KANK3: variants seen among roughly 807,000 people sequenced by gnomAD.
The protein encoded by KANK3 is KN motif and ankyrin repeat domain-containing protein 3.
In KANK3, 61 loss-of-function variants were observed where a neutral mutation model predicts 65.4. The ratio of observed to expected loss-of-function variants is 0.93; its 90% confidence interval spans 0.76 to 1.15. KANK3 has a LOEUF of 1.15. KANK3 is among the 50% of genes most tolerant of loss of function. The pLI, the probability that KANK3 is intolerant of heterozygous loss-of-function variation, is 0.00. For synonymous variants in KANK3, 586 were observed against 543.3 expected (o/e 1.08, Z -1.09); for missense variants, 1,187 against 1,178.8 (o/e 1.01, Z -0.10).
rs917278312 is a variant in KANK3 at position 8,334,781 on chromosome 19, G to A, written c.1046C>T (p.Ala349Val). The change falls in exon 3 of 11, where the codon GCG becomes GTG. Residue 349 changes from alanine (A) to valine (V), a missense_variant. Physicochemically the swap from Ala to Val is moderately conservative, Grantham distance 64. Around this residue, in one of 3 missense-constraint regions of KANK3, gnomAD observed 1,078 missense variants for 1,038.2 expected, o/e 1.04. Coordinates refer to ENST00000330915, the MANE Select transcript of KANK3 (RefSeq NM_198471.3). ...WVTEALLGLP[A>V]AAERELELLR... Reference sequence around the variant, plus strand: ...CAGCTCTAGCTCGCGCTCGGCGGCCGCAGGCAGCCCCAGCAGCGCCTCGGT... The same window carrying A: ...CAGCTCTAGCTCGCGCTCGGCGGCCACAGGCAGCCCCAGCAGCGCCTCGGT... The A allele has an allele frequency of 1.9e-5, 28 of 1,498,966 alleles. No homozygotes were observed. The highest frequency in any genetic ancestry group is 2.2e-5 in the Admixed American group (1 of 46,394). 92.9% of individuals were successfully genotyped at this position (1,498,966 alleles called of 1,614,324 possible).
chr19:8,333,844 G>C lies in KANK3; in HGVS notation c.1635-36C>G, dbSNP rs1035845011. 23 of 1,547,316 alleles carry C rather than the reference G, an allele frequency of 1.5e-5. No homozygotes were observed. Among genetic ancestry groups the C allele is most frequent in the East Asian group, 7.3e-5 (3 of 40,882 alleles). On this transcript the variant is annotated intron_variant, in intron 5 of 10. Coordinates refer to ENST00000330915, the MANE Select transcript of KANK3 (RefSeq NM_198471.3). This position sits in a 1 kb window ranked among gnomAD's most constrained non-coding sequence, Gnocchi z 5.0. ...GGCCAGGAGAGACTCAGGATGGATC[G>C]GGGACAGCGCCGACCAGGAGGAGGG...
intron 1 of KANK3, among the ~76,000 whole-genome samples, chr19:8,339,600 T>C (rs987549251): frequency 1.3e-5 from 2 of 152,052 alleles, no homozygotes; most frequent in African/African-American, 4.8e-5. Context: ...CCTCAGGTGA[T>C]CCACCCACCT....
intron 7 of KANK3, among the ~76,000 whole-genome samples, chr19:8,329,597 T>G (rs2145421166): frequency 6.6e-6 from 1 of 151,562 alleles, no homozygotes; most frequent in South Asian, 2.1e-4. Flanking sequence ...TCTGTTCCTG[T>G]CCCCATCTAG....
rs1287868973 is a variant in KANK3 at position 8,337,867 on chromosome 19, G to A, written c.-28-11C>T. 3 of 1,612,774 alleles carry A rather than the reference G, an allele frequency of 1.9e-6. No individual in the cohort carries two copies. Among genetic ancestry groups the A allele is most frequent in the South Asian group, 2.2e-5 (2 of 91,066 alleles). On this transcript the variant is annotated splice_polypyrimidine_tract_variant and intron_variant, in intron 1 of 10. Coordinates refer to ENST00000330915, the MANE Select transcript of KANK3 (RefSeq NM_198471.3). Reference sequence around the variant, plus strand: ...GCTGTCAGAGGCACCCTGCAAAAGGGGTGAAGGTGGGGCTGGGCGCTGTCC... The same window carrying A: ...GCTGTCAGAGGCACCCTGCAAAAGGAGTGAAGGTGGGGCTGGGCGCTGTCC...
rs750598901 is a variant in KANK3, at chr19:8,334,305, G to A, written c.1427+15C>T. ...GTCCCGGCAGAAGCTGCCACAGGAG[G>A]GGAAAGGCGCTCACTCTCCGTTGAG... On this transcript the variant is annotated intron_variant, in intron 4 of 10. Transcript: ENST00000330915. The A allele has an allele frequency of 1.2e-6, 2 of 1,613,608 alleles. No homozygotes were observed. Among genetic ancestry groups the A allele is most frequent in the Non-Finnish European group, 8.5e-7 (1 of 1,179,878 alleles).
rs1970348365 is a variant in KANK3, at chr19:8,322,941, A to G, written c.2383-19T>C. On this transcript the variant is annotated intron_variant, in intron 10 of 10. Transcript: ENST00000330915. Reference sequence around the variant, plus strand: ...ACTCGCTCTGGAGAGAGGGGAAAAGAGGGGGGCCTGCTGCAATCTCCTTGA... The same window carrying G: ...ACTCGCTCTGGAGAGAGGGGAAAAGGGGGGGGCCTGCTGCAATCTCCTTGA... The G allele has an allele frequency of 1.5e-6, 2 of 1,372,412 alleles. No homozygotes were observed. The highest frequency in any genetic ancestry group is 9.9e-7 in the Non-Finnish European group (1 of 1,014,718). 85.0% of individuals were successfully genotyped at this position (1,372,412 alleles called of 1,614,324 possible). A position where few individuals can be genotyped will look rare whatever the true frequency, so the allele number is the denominator to read the frequency against.
chr19:8,336,720 A>G (rs1271867714), intron 2 of KANK3, among the ~76,000 whole-genome samples: 1 of 142,160 alleles, frequency 7.0e-6, no homozygotes, highest in Non-Finnish European at 1.5e-5. Context: ...AGACTGGGTG[A>G]CAGAGTGAGA....
At chr19:8,342,068 A>C (rs1441123713) in intron 1 of KANK3, among the ~76,000 whole-genome samples, 1 of 152,156 alleles carries the variant, frequency 6.6e-6, no homozygotes, top group Non-Finnish European at 1.5e-5. Flanking sequence ...ATCTCGGCTC[A>C]CTGCAACCTC....
At chr19:8,339,691 G>A (rs1045305223) in intron 1 of KANK3, among the ~76,000 whole-genome samples, 11 of 151,994 alleles carry the variant, frequency 7.2e-5, no homozygotes, top group African/African-American at 2.7e-4. Flanking sequence ...TTTTTAAATA[G>A]TGAAACCACC....
At chr19:8,329,258 G>A (rs372729503) in intron 7 of KANK3, among the ~76,000 whole-genome samples, 48 of 151,262 alleles carry the variant, frequency 3.2e-4, no homozygotes, top group African/African-American at 1.0e-3. Flanking sequence ...AGGCTGAGGC[G>A]GGCAGATCAC....
intron 10 of KANK3, among the ~76,000 whole-genome samples, chr19:8,324,235 G>T (rs1433003348): frequency 6.6e-6 from 1 of 152,190 alleles, no homozygotes; most frequent in Admixed American, 6.6e-5. Flanking sequence ...GCTGCAGTGA[G>T]CTCTGATCAC....
intron 7 of KANK3, among the ~76,000 whole-genome samples, chr19:8,328,644 G>A (rs1406085447): frequency 1.3e-5 from 2 of 152,056 alleles, no homozygotes; most frequent in Non-Finnish European, 2.9e-5. Context: ...AATTGTCCCC[G>A]CAAGGTCCAA....
chr19:8,339,983 A>AAT (rs1970702961), intron 1 of KANK3, among the ~76,000 whole-genome samples: 1 of 108,866 alleles, frequency 9.2e-6, no homozygotes, highest in Non-Finnish European at 1.9e-5. Context: ...AAAAAAAAAA[A>AAT]AGAAAAGAAA....
intron 1 of KANK3, among the ~76,000 whole-genome samples, chr19:8,338,283 A>G (rs1038232336): frequency 3.3e-5 from 5 of 151,736 alleles, no homozygotes; most frequent in African/African-American, 4.8e-5. Context: ...CGACCTCCCA[A>G]AGTACTGGGA....
In KANK3 at chr19:8,335,599, G is replaced by T; in HGVS notation, c.228C>A (p.Pro76=). ...GPPTSRRPRA[P]RPGLAGARSP... is the part of the protein sequence containing the mutation. ...TACGTGCGCCCGCGAGGCCGGGCCG[G>T]GGCGCGCGGGGACGGCGCGAGGTCG... The change falls in exon 3 of 11, where the codon CCC becomes CCA. Residue 76 remains proline, a synonymous_variant. Coordinates refer to ENST00000330915, the MANE Select transcript of KANK3 (RefSeq NM_198471.3). 1 of 1,231,716 alleles carries T rather than the reference G, an allele frequency of 8.1e-7. No homozygotes were observed. The allele number at this position is 1,231,716 out of a possible 1,614,324, so 76.3% of individuals were successfully genotyped here.
chr19:8,335,192 T>A lies in KANK3; in HGVS notation c.635A>T (p.Glu212Val). The A allele has an allele frequency of 8.2e-7, 1 of 1,216,244 alleles. No individual in the cohort carries two copies. Among genetic ancestry groups the A allele is most frequent in the African/African-American group, 1.6e-5 (1 of 62,870 alleles). 75.3% of individuals were successfully genotyped at this position (1,216,244 alleles called of 1,614,324 possible). A position where few individuals can be genotyped will look rare whatever the true frequency, so the allele number is the denominator to read the frequency against. ...DQARTLPELQ[E>V]QVRALRAEKA... Reference sequence around the variant, plus strand: ...CTCGGCGCGCAGCGCGCGCACCTGCTCCTGCAGCTCGGGCAGCGTTCGCGC... The same window carrying A: ...CTCGGCGCGCAGCGCGCGCACCTGCACCTGCAGCTCGGGCAGCGTTCGCGC... Residue 212 changes from glutamate (E) to valine (V), a missense_variant, in exon 3 of 11, where the codon GAG (glutamate) becomes GTG (valine). This residue lies in a region of KANK3 where 1,078 missense variants were observed against 1,038.2 expected (regional missense o/e 1.04). Coordinates refer to ENST00000330915, the MANE Select transcript of KANK3 (RefSeq NM_198471.3).
At chr19:8,324,073 A>C (rs184436461) in intron 10 of KANK3, among the ~76,000 whole-genome samples, 1 of 152,190 alleles carries the variant, frequency 6.6e-6, no homozygotes, top group Non-Finnish European at 1.5e-5. Flanking sequence ...TTGAGGACTC[A>C]GTCTCATGAC....
chr19:8,340,830 G>C (rs1035834392), intron 1 of KANK3, among the ~76,000 whole-genome samples: 3 of 152,206 alleles, frequency 2.0e-5, no homozygotes, highest in Admixed American at 1.3e-4. Context: ...CTTCACACCA[G>C]CTGCAAGGGG....
rs35187115 is a variant in KANK3, at chr19:8,322,925, GGA to G, written c.2383-5_2383-4del. On this transcript the variant is annotated splice_region_variant and splice_polypyrimidine_tract_variant and intron_variant, in intron 10 of 10. Coordinates refer to ENST00000330915, the MANE Select transcript of KANK3 (RefSeq NM_198471.3). ...TGGGAGCCAGGGGGTGACTCGCTCT[GGA>G]GAGAGGGGAAAAGAGGGGGGCCTGC... 0.12 allele frequency: 177,970 copies of G among 1,487,526 alleles called. 12,099 individuals are homozygous for G. Among genetic ancestry groups the G allele is most frequent in the African/African-American group, 0.26 (17,954 of 69,142 alleles). The allele number at this position is 1,487,526 out of a possible 1,614,324, so 92.1% of individuals were successfully genotyped here.
Sources: allele counts gnomAD v4.1 joint callset (sites outside exome capture counted in the v4.1 genomes callset), GRCh38; gene constraint gnomAD v4.1.1; regional missense constraint gnomAD v4.1.1; non-coding constraint Gnocchi (gnomAD v3.1); transcripts MANE v1.5; gene names NCBI Gene and HGNC (gene_info 2026-07-23, HGNC 2026-07-21).